The following PICALM variants were observed in gnomAD, a reference collection of about 807,000 sequenced individuals.
PICALM encodes phosphatidylinositol-binding clathrin assembly protein.
Under a neutral mutation model 80.5 loss-of-function variants are expected in PICALM, and 40 were observed. The observed-to-expected ratio is 0.50, with a 90% CI of 0.39 to 0.65. The LOEUF (loss-of-function observed/expected upper bound fraction) is 0.65, where lower values mean the gene tolerates loss of function less well. PICALM is among the 30% of genes least tolerant of loss of function. PICALM has a pLI of 0.00. For synonymous variants in PICALM, 288 were observed against 260.3 expected, an observed-to-expected ratio of 1.11 and a Z score of -1.02; for missense variants, 676 against 778.9, an observed-to-expected ratio of 0.87 and a Z score of 1.57.
chr11:86,040,422 G>T (rs1443213332), intron 1 of PICALM, among the ~76,000 whole-genome samples: 2 of 151,934 alleles, frequency 1.3e-5, no homozygotes, highest in Non-Finnish European at 2.9e-5. Flanking sequence ...GGCTAGTCTG[G>T]AACTCCTGGG....
intron 8 of PICALM, among the ~76,000 whole-genome samples, chr11:86,006,722 G>A (rs79257745): frequency 1.6e-3 from 244 of 152,152 alleles, no homozygotes; most frequent in African/African-American, 5.5e-3. Context: ...AAATGAGAGA[G>A]TTGATGGAAA....
chr11:85,964,010 A>AC (rs1382977916), intron 19 of PICALM, among the ~76,000 whole-genome samples: 2 of 149,946 alleles, frequency 1.3e-5, no homozygotes, highest in South Asian at 2.1e-4. Context: ...GGACAAACAC[A>AC]CCTAGCTTAA....
chr11:85,965,803 TTTTGTTTTTTTG>T (rs2093861030), intron 19 of PICALM, among the ~76,000 whole-genome samples: 1 of 49,940 alleles, frequency 2.0e-5, no homozygotes, highest in Non-Finnish European at 3.9e-5. Context: ...GCATTACCCA[TTTTGTTTTTTTG>T]TTTTTTTTTT....
chr11:86,039,386 A>C (rs2095906157), intron 1 of PICALM, among the ~76,000 whole-genome samples: 1 of 152,174 alleles, frequency 6.6e-6, no homozygotes, highest in African/African-American at 2.4e-5. Context: ...TGGGAAACAC[A>C]GTGACACTCT....
intron 19 of PICALM, among the ~76,000 whole-genome samples, chr11:85,968,139 G>A (rs147367936): frequency 1.3e-5 from 2 of 152,230 alleles, no homozygotes; most frequent in African/African-American, 4.8e-5. Context: ...TTCAAGACCA[G>A]TCTGATGTAT....
chr11:85,990,437 G>C (rs1318692387), intron 12 of PICALM, 38 bp from the exon 13 acceptor site: 11 of 1,358,384 alleles, frequency 8.1e-6, no homozygotes. Context: ...AATGAAGAAA[G>C]GAAGTAAATA....
intron 3 of PICALM, among the ~76,000 whole-genome samples, 181 bp from the exon 4 acceptor site, chr11:86,022,650 C>A (rs964048967): frequency 2.0e-5 from 3 of 151,968 alleles, no homozygotes; most frequent in Non-Finnish European, 1.5e-5. Context: ...CCATTAAATT[C>A]TCTTAAGGCT....
chr11:86,015,338 A>C (rs1592937727), intron 4 of PICALM, among the ~76,000 whole-genome samples: 1 of 152,224 alleles, frequency 6.6e-6, no homozygotes, highest in South Asian at 2.1e-4. Context: ...CAAATAAAAT[A>C]ATCATTTGCC....
chr11:86,068,912 C>A lies in PICALM; in HGVS notation c.-132G>T, dbSNP rs2096485440. The A allele has an allele frequency of 7.6e-7, 1 of 1,317,956 alleles. No individual in the cohort carries two copies. The highest frequency in any genetic ancestry group is 2.9e-5 in the Admixed American group (1 of 34,880). 81.6% of individuals were successfully genotyped at this position (1,317,956 alleles called of 1,614,324 possible). On this transcript the variant is annotated 5_prime_UTR_variant, in exon 1 of 20. Transcript: ENST00000393346. The stretch of plus-strand genomic sequence containing the variant: ...TCCTTCCCCGCCTGCCGGCCTGGGG[C>A]GCGGTTCGGGGCCGCGCGCTGCCAC...
At chr11:85,995,847 C>T (rs1454135620) in intron 12 of PICALM, among the ~76,000 whole-genome samples, 5 of 152,058 alleles carry the variant, frequency 3.3e-5, no homozygotes, top group African/African-American at 4.8e-5. Flanking sequence ...TTCTAAAATA[C>T]TTAACTTTAA....
At position 85,962,422 on chromosome 11, in the gene PICALM, T is replaced by G. The variant is rs146569212; in HGVS notation, c.1945-3362A>C. On this transcript the variant is annotated intron_variant, in intron 19 of 19. Coordinates refer to ENST00000393346, the MANE Select transcript of PICALM (RefSeq NM_007166.4). ...ATAGACTGCATCTAAAATCAGAAGT[T>G]TCCTATGATAGCCCCACACCGAAAT... Among the ~76,000 whole-genome samples the G allele has an allele frequency of 2.2e-3, 338 of 152,262 alleles. 3 individuals carry two copies. The highest frequency in any genetic ancestry group is 7.9e-3 in the African/African-American group (330 of 41,532).
chr11:85,981,417 C>A (rs967822432), intron 16 of PICALM, among the ~76,000 whole-genome samples, 189 bp from the exon 17 acceptor site: 2 of 152,056 alleles, frequency 1.3e-5, no homozygotes, highest in Admixed American at 1.3e-4. Flanking sequence ...ACCAACCTGG[C>A]TAACACGGCG....
At chr11:85,984,457 A>G (rs538032735) in intron 13 of PICALM, among the ~76,000 whole-genome samples, 1 of 152,270 alleles carries the variant, frequency 6.6e-6, no homozygotes, top group South Asian at 2.1e-4. Context: ...CCTTCCTTCA[A>G]CAGTTAATCA....
intron 13 of PICALM, among the ~76,000 whole-genome samples, chr11:85,986,364 A>ATTT (rs2094569991): frequency 5.6e-5 from 5 of 89,418 alleles, no homozygotes; most frequent in East Asian, 4.6e-4. Flanking sequence ...GCCAACTTTT[A>ATTT]ATTTTTTTTT....
chr11:85,969,016 A>G (rs1565218940), intron 19 of PICALM, among the ~76,000 whole-genome samples: 1 of 150,926 alleles, frequency 6.6e-6, no homozygotes, highest in Non-Finnish European at 1.5e-5. Context: ...GGGTATGTGT[A>G]TAGGAATTCA....
At chr11:86,035,209 T>TGTAG (rs1470858018) in intron 1 of PICALM, among the ~76,000 whole-genome samples, 1 of 152,046 alleles carries the variant, frequency 6.6e-6, no homozygotes, top group Non-Finnish European at 1.5e-5. Flanking sequence ...ATATTCCTAG[T>TGTAG]GTAGGCCTTT....
At chr11:85,960,798 G>A (rs1248780773) in intron 19 of PICALM, 4 of 1,090,242 alleles carry the variant, frequency 3.7e-6, no homozygotes, top group Admixed American at 7.2e-5. Flanking sequence ...AGAAGACAGA[G>A]AGAGGGAAAG....
rs796112510 is a variant in PICALM, at chr11:85,985,323, T to C, written c.1409-1350A>G. 3.9e-4 allele frequency among the ~76,000 whole-genome samples: 59 copies of C among 152,290 alleles called. 1 individual carries two copies. Among genetic ancestry groups the C allele is most frequent in the African/African-American group, 1.3e-3 (52 of 41,570 alleles). ...GTCCTCAAAGACAGAAACAACAATT[T>C]ATTATTAGCAAAGAACCATACAAGC... On this transcript the variant is annotated intron_variant, in intron 13 of 19. Coordinates refer to ENST00000393346, the MANE Select transcript of PICALM (RefSeq NM_007166.4).
chr11:85,978,629 C>T (rs1246065788), intron 17 of PICALM: 2 of 151,944 alleles, frequency 1.3e-5, no homozygotes, highest in Admixed American at 1.3e-4. Context: ...CAAACATTAG[C>T]CATTAAAAAG....
Sources: gnomAD v4.1 joint callset for allele counts (sites outside exome capture counted in the v4.1 genomes callset) on GRCh38, gnomAD v4.1.1 for gene constraint, MANE v1.5 for transcripts, NCBI Gene and HGNC (gene_info 2026-07-23, HGNC 2026-07-21) for gene names.